Variants in EED observed in about 807,000 individuals in gnomAD.
EED encodes the protein embryonic ectoderm development, also known as polycomb protein EED.
A neutral mutation model predicts 61.0 loss-of-function variants in EED; 9 were observed. The observed-to-expected ratio is 0.15, with a 90% CI of 0.09 to 0.26. The LOEUF is 0.26. EED is among the 10% of genes least tolerant of loss of function. The pLI, the probability that EED is intolerant of heterozygous loss-of-function variation, is 1.00. For missense variants in EED, 315 were observed against 542.3 expected (o/e 0.58, Z 4.16); for synonymous variants, 187 against 174.4 (o/e 1.07, Z -0.57).
At chr11:86,268,594 CGTGTGTGTGTGTGTGT>C (rs71040225) in intron 9 of EED, 33 bp downstream of exon 9, 18 of 820,620 alleles carry the variant, frequency 2.2e-5, no homozygotes, top group Non-Finnish European at 3.1e-5. Flanking sequence ...GTACTTCCAT[CGTGTGTGTGTGTGTGT>C]GTGTGTGTGT....
rs1217894669 is a variant in EED, at chr11:86,261,042, CT to C, written c.635-3125del. On this transcript the variant is annotated intron_variant, in intron 6 of 11. Transcript: ENST00000263360. ...CATTGGGATTAAGTTTCCCAACCTG[CT>C]TTTTCGGGGGTTCATTTAAGCTGTA... 2.6e-5 allele frequency among the ~76,000 whole-genome samples: 4 copies of C among 152,082 alleles called. No individual in the cohort carries two copies. In the East Asian group the frequency reaches 7.7e-4, roughly 29 times the overall value.
rs374171572 is a variant in EED, at chr11:86,275,158, A to G, written c.967-1822A>G. On this transcript the variant is annotated intron_variant, in intron 9 of 11. Transcript: ENST00000263360. ...CTCAACGGTTATCGTTTGTGTTCCAAGGTTTCTAACTTGTTTGCCTTTTCT... is the reference window on the plus strand; with the variant it reads ...CTCAACGGTTATCGTTTGTGTTCCAGGGTTTCTAACTTGTTTGCCTTTTCT... 9.8e-5 allele frequency among the ~76,000 whole-genome samples: 15 copies of G among 152,316 alleles called. No individual in the cohort carries two copies. In the East Asian group the frequency reaches 2.7e-3, roughly 27 times the overall value.
At chr11:86,246,634 C>T (rs929749763) in intron 1 of EED, among the ~76,000 whole-genome samples, 2 of 152,256 alleles carry the variant, frequency 1.3e-5, no homozygotes, top group East Asian at 1.9e-4. Context: ...ATTTTTCACC[C>T]GATTGTGCGC....
chr11:86,250,632 GT>G (rs1392651472), intron 2 of EED, among the ~76,000 whole-genome samples, 184 bp downstream of exon 2: 11 of 151,774 alleles, frequency 7.2e-5, no homozygotes, highest in African/African-American at 2.4e-4. Flanking sequence ...CCCATGTTTA[GT>G]TTTTTGGTTT....
At chr11:86,255,587 T>C (rs1945648708) in intron 4 of EED, among the ~76,000 whole-genome samples, 1 of 152,136 alleles carries the variant, frequency 6.6e-6, no homozygotes, top group Non-Finnish European at 1.5e-5. Flanking sequence ...TAGAAAATAT[T>C]AGCAAAGACT....
chr11:86,254,403 T>G (rs6592277), intron 3 of EED, among the ~76,000 whole-genome samples: 4,694 of 145,602 alleles, frequency 0.032, 229 homozygotes, highest in African/African-American at 0.11. Flanking sequence ...TCACTGCAAC[T>G]TCTGCCTCCT....
chr11:86,271,532 C>T (rs1052238716), intron 9 of EED, among the ~76,000 whole-genome samples: 1 of 152,076 alleles, frequency 6.6e-6, no homozygotes, highest in Non-Finnish European at 1.5e-5. Context: ...ACTTTCAGTC[C>T]TGTGTTGAAT....
chr11:86,245,012 C>G lies in EED; in HGVS notation c.-218C>G. 2.2e-6 allele frequency: 1 copy of G among 460,008 alleles called. No homozygotes were observed. The highest frequency in any genetic ancestry group is 2.9e-5 in the South Asian group (1 of 34,086). 28.5% of individuals were successfully genotyped at this position (460,008 alleles called of 1,614,324 possible). A position where few individuals can be genotyped will look rare whatever the true frequency, so the allele number is the denominator to read the frequency against. On this transcript the variant is annotated 5_prime_UTR_variant, in exon 1 of 12. Coordinates refer to ENST00000263360, the MANE Select transcript of EED (RefSeq NM_003797.5). ...GGGAAGGGAAGGAGCCAGGAAGCCGCGCGGGAGGGCGCGCGCGCGCGCCCC... is the reference window on the plus strand; with the variant it reads ...GGGAAGGGAAGGAGCCAGGAAGCCGGGCGGGAGGGCGCGCGCGCGCGCCCC...
At chr11:86,254,249 A>G (rs1462536728) in intron 3 of EED, among the ~76,000 whole-genome samples, 2 of 151,826 alleles carry the variant, frequency 1.3e-5, no homozygotes, top group Non-Finnish European at 2.9e-5. Context: ...GTAGACTTTT[A>G]AATATGTAAC....
At chr11:86,260,507 G>A (rs1157788267) in intron 6 of EED, among the ~76,000 whole-genome samples, 1 of 109,074 alleles carries the variant, frequency 9.2e-6, no homozygotes, top group African/African-American at 3.2e-5. Flanking sequence ...GGGATTACAG[G>A]TGTGAGCTAC....
At chr11:86,263,046 G>A (rs575827853) in intron 6 of EED, among the ~76,000 whole-genome samples, 1 of 152,108 alleles carries the variant, frequency 6.6e-6, no homozygotes, top group East Asian at 1.9e-4. Context: ...GGCCTCAAGT[G>A]ATCCTCCTGC....
the EED span, chr11:86,284,415 T>C: frequency 6.6e-6 from 1 of 152,272 alleles, no homozygotes; most frequent in Non-Finnish European, 1.5e-5. Flanking sequence ...ATGGACCTCA[T>C]TTCCTTCCTG....
the EED span, among the ~76,000 whole-genome samples, chr11:86,285,167 C>T: frequency 2.6e-5 from 4 of 152,206 alleles, no homozygotes; most frequent in African/African-American, 7.2e-5. Flanking sequence ...TGCCTGTAAT[C>T]GCAGCACTTT....
the EED span, among the ~76,000 whole-genome samples, chr11:86,287,395 G>A: frequency 6.6e-6 from 1 of 152,180 alleles, no homozygotes; most frequent in South Asian, 2.1e-4. Flanking sequence ...GAATTGAGCT[G>A]GTGGATTTCT....
In EED at chr11:86,278,654, T is replaced by C. The variant is rs900101802; in HGVS notation, c.*129T>C. 6 of 1,214,398 alleles carry C rather than the reference T, an allele frequency of 4.9e-6. No individual in the cohort carries two copies. Among genetic ancestry groups the C allele is most frequent in the East Asian group, 2.5e-5 (1 of 39,526 alleles). 75.2% of individuals were successfully genotyped at this position (1,214,398 alleles called of 1,614,324 possible). On this transcript the variant is annotated 3_prime_UTR_variant, in exon 12 of 12. Coordinates refer to ENST00000263360, the MANE Select transcript of EED (RefSeq NM_003797.5). Reference sequence around the variant, plus strand: ...CAGCATTCAATCAGGCTGAGCTGAATGTAGTGATGTTTACATTGTTTACAT... The same window carrying C: ...CAGCATTCAATCAGGCTGAGCTGAACGTAGTGATGTTTACATTGTTTACAT...
intron 10 of EED, 24 bp from the exon 11 acceptor site, chr11:86,277,894 G>A: frequency 1.3e-6 from 2 of 1,502,800 alleles, no homozygotes; most frequent in Non-Finnish European, 1.8e-6. Flanking sequence ...TTAATTTGAT[G>A]TTTTTAAAAA....
Position 86,245,083 on chromosome 11 carries a change from C to A in EED, c.-147C>A. ...GTCGCACGCACGCCCGCCTCGGCGGCTGGGCGCGATTTGCGACAGTGGGGG... is the reference window on the plus strand; with the variant it reads ...GTCGCACGCACGCCCGCCTCGGCGGATGGGCGCGATTTGCGACAGTGGGGG... On this transcript the variant is annotated 5_prime_UTR_variant, in exon 1 of 12. The change creates a new upstream start codon in the 5' untranslated region. Coordinates refer to ENST00000263360, the MANE Select transcript of EED (RefSeq NM_003797.5). 1 of 594,236 alleles carries A rather than the reference C, an allele frequency of 1.7e-6. No individual in the cohort carries two copies. 36.8% of individuals were successfully genotyped at this position (594,236 alleles called of 1,614,324 possible). A position where few individuals can be genotyped will look rare whatever the true frequency, so the allele number is the denominator to read the frequency against.
chr11:86,255,723 A>C (rs1945652564), intron 4 of EED, among the ~76,000 whole-genome samples: 2 of 152,034 alleles, frequency 1.3e-5, no homozygotes, highest in South Asian at 4.1e-4. Flanking sequence ...AGGAAGAAAA[A>C]AAAAGTTTAG....
At chr11:86,274,146 T>G (rs1369357537) in intron 9 of EED, among the ~76,000 whole-genome samples, 1 of 151,946 alleles carries the variant, frequency 6.6e-6, no homozygotes, top group Admixed American at 6.6e-5. Flanking sequence ...TTGTACTGTC[T>G]TTAAATTTAC....
Sources: gnomAD v4.1 joint callset for allele counts (sites outside exome capture counted in the v4.1 genomes callset) on GRCh38, gnomAD v4.1.1 for gene constraint, MANE v1.5 for transcripts, NCBI Gene and HGNC (gene_info 2026-07-23, HGNC 2026-07-21) for gene names.